Variants in APBB2 observed in about 807,000 individuals in gnomAD.
APBB2 encodes amyloid beta precursor protein binding family B member 2, also known as Fe65-like 1.
A neutral mutation model predicts 82.5 loss-of-function variants in APBB2; 38 were observed. That is an observed-to-expected ratio of 0.46 (90% confidence interval 0.36 to 0.60). APBB2 has a LOEUF of 0.60. Ranked by LOEUF, APBB2 falls within the 20% of genes least tolerant of loss-of-function variation. APBB2 has a pLI of 0.00. For missense variants in APBB2, 772 were observed against 972.3 expected (o/e 0.79, Z 2.74); for synonymous variants, 341 against 368.2 (o/e 0.93, Z 0.85).
intron 6 of APBB2, among the ~76,000 whole-genome samples, chr4:40,994,050 G>A (rs1483687676): frequency 6.6e-6 from 1 of 152,086 alleles, no homozygotes; most frequent in Non-Finnish European, 1.5e-5. Context: ...AGCACTTTGG[G>A]AGGCCAAGGC....
chr4:41,149,930 G>A (rs1761808901), intron 1 of APBB2, among the ~76,000 whole-genome samples: 1 of 152,162 alleles, frequency 6.6e-6, no homozygotes, highest in South Asian at 2.1e-4. Flanking sequence ...CACCATGACT[G>A]TGAGGCCTCC....
intron 1 of APBB2, among the ~76,000 whole-genome samples, chr4:41,168,657 C>T (rs888145258): frequency 3.3e-5 from 5 of 152,232 alleles, no homozygotes; most frequent in Non-Finnish European, 2.9e-5. Context: ...TTCCTCAGAC[C>T]GCTTGAGAAC....
At chr4:40,957,209 CT>C (rs1163157670) in intron 6 of APBB2, among the ~76,000 whole-genome samples, 1 of 151,990 alleles carries the variant, frequency 6.6e-6, no homozygotes, top group Non-Finnish European at 1.5e-5. Flanking sequence ...TCATATGTGG[CT>C]TTGGAAAAAA....
chr4:40,827,062 T>C lies in APBB2; in HGVS notation c.1732+70A>G. 6 of 1,402,718 alleles carry C rather than the reference T, an allele frequency of 4.3e-6. No individual in the cohort carries two copies. In the South Asian group the frequency reaches 7.1e-5, roughly 17 times the overall value. The allele number at this position is 1,402,718 out of a possible 1,614,324, so 86.9% of individuals were successfully genotyped here. A position where few individuals can be genotyped will look rare whatever the true frequency, so the allele number is the denominator to read the frequency against. On this transcript the variant is annotated intron_variant, in intron 14 of 17. Coordinates refer to ENST00000508593, the MANE Select transcript of APBB2 (RefSeq NM_004307.2). ...GGAGACTTGAAATACCAGAGAACCA[T>C]CTGAGAGCCTTCAGTCCTGGACCAG... is the stretch of plus-strand genomic sequence containing the variant.
chr4:41,113,165 A>G (rs1242018180), intron 2 of APBB2, among the ~76,000 whole-genome samples: 2 of 152,192 alleles, frequency 1.3e-5, no homozygotes. Flanking sequence ...TGAAATTGCA[A>G]AACTAGTATC....
chr4:40,834,846 A>G (rs1288110331), intron 12 of APBB2, among the ~76,000 whole-genome samples: 2 of 152,218 alleles, frequency 1.3e-5, no homozygotes, highest in Non-Finnish European at 2.9e-5. Flanking sequence ...TCTGACCACC[A>G]GAAACAGAAA....
intron 1 of APBB2, among the ~76,000 whole-genome samples, chr4:41,198,278 T>C: frequency 3.9e-5 from 6 of 152,206 alleles, no homozygotes; most frequent in Admixed American, 3.3e-4. Flanking sequence ...AATAAGCGCC[T>C]GATGGATCTA....
At chr4:40,831,697 A>G (rs1459519722) in intron 12 of APBB2, among the ~76,000 whole-genome samples, 2 of 152,214 alleles carry the variant, frequency 1.3e-5, no homozygotes, top group Non-Finnish European at 2.9e-5. Context: ...AGGGAATGTC[A>G]GAACACAAAG....
chr4:41,030,098 G>T (rs1486165593), intron 5 of APBB2, among the ~76,000 whole-genome samples: 2 of 152,168 alleles, frequency 1.3e-5, no homozygotes, highest in Non-Finnish European at 2.9e-5. Context: ...GAAGGTTGCA[G>T]TGAGCTGAGG....
intron 12 of APBB2, among the ~76,000 whole-genome samples, chr4:40,888,995 C>T (rs767512563): frequency 2.6e-5 from 4 of 152,242 alleles, no homozygotes; most frequent in Non-Finnish European, 4.4e-5. Flanking sequence ...AGAGCTTCCT[C>T]GTAAAATTAA....
intron 1 of APBB2, among the ~76,000 whole-genome samples, chr4:41,167,018 C>T (rs1309404056): frequency 1.3e-5 from 2 of 152,188 alleles, no homozygotes; most frequent in Non-Finnish European, 2.9e-5. Flanking sequence ...TGGGGGTTTC[C>T]ACATAAGCCC....
intron 10 of APBB2, among the ~76,000 whole-genome samples, chr4:40,897,694 C>A (rs11734819): frequency 6.6e-6 from 1 of 151,668 alleles, no homozygotes; most frequent in Non-Finnish European, 1.5e-5. Flanking sequence ...CAGGTGTAAG[C>A]GGGACTAGGC....
At chr4:40,861,782 G>A (rs915256444) in intron 12 of APBB2, among the ~76,000 whole-genome samples, 8 of 151,096 alleles carry the variant, frequency 5.3e-5, no homozygotes, top group African/African-American at 2.0e-4. Flanking sequence ...TGTTACTGTA[G>A]TAACTGAGTA....
intron 2 of APBB2, among the ~76,000 whole-genome samples, chr4:41,121,710 G>A (rs1176487084): frequency 6.6e-6 from 1 of 152,096 alleles, no homozygotes; most frequent in Non-Finnish European, 1.5e-5. Context: ...CCTGGGTCCT[G>A]TCAGGTGGCT....
intron 10 of APBB2, among the ~76,000 whole-genome samples, chr4:40,913,865 T>C (rs1183048297): frequency 3.9e-5 from 6 of 152,030 alleles, no homozygotes; most frequent in South Asian, 2.1e-4. Flanking sequence ...GAGAAATACT[T>C]ATGTTAGGTA....
intron 4 of APBB2, 25 bp from the exon 5 acceptor site, chr4:41,033,329 A>T: frequency 7.1e-7 from 1 of 1,405,916 alleles, no homozygotes; most frequent in Non-Finnish European, 9.8e-7. Flanking sequence ...TCATTTGAGA[A>T]ATTAAAACTC....
chr4:40,893,855 C>T (rs988833464), intron 10 of APBB2, among the ~76,000 whole-genome samples: 3 of 151,488 alleles, frequency 2.0e-5, no homozygotes, highest in South Asian at 2.1e-4. Flanking sequence ...GTGCCTGCAA[C>T]TCCAGCTACT....
chr4:40,937,585 C>T (rs2154376844), intron 7 of APBB2, among the ~76,000 whole-genome samples: 1 of 152,296 alleles, frequency 6.6e-6, no homozygotes, highest in Admixed American at 6.5e-5. Flanking sequence ...AACACGGGCA[C>T]TCTTAAGGAA....
chr4:41,116,851 T>C (rs952816267), intron 2 of APBB2, among the ~76,000 whole-genome samples: 1 of 152,172 alleles, frequency 6.6e-6, no homozygotes, highest in Non-Finnish European at 1.5e-5. Context: ...CACCTTTCTC[T>C]CTCTCGTCGT....
Sources: allele counts gnomAD v4.1 joint callset (sites outside exome capture counted in the v4.1 genomes callset), GRCh38; gene constraint gnomAD v4.1.1; transcripts MANE v1.5; gene names NCBI Gene and HGNC (gene_info 2026-07-23, HGNC 2026-07-21).